Variants in CAPN5 observed in about 807,000 individuals in gnomAD.
CAPN5 encodes the protein calpain 5.
CAPN5 carries 54 observed loss-of-function variants against 73.0 expected under a neutral mutation model. The ratio of observed to expected loss-of-function variants is 0.74; its 90% confidence interval spans 0.59 to 0.93. The LOEUF is 0.93. CAPN5 is among the 40% of genes least tolerant of loss of function. The pLI is 0.00. For missense variants in CAPN5, 785 were observed against 882.9 expected (o/e 0.89, Z 1.41); for synonymous variants, 335 against 356.9 (o/e 0.94, Z 0.69).
At chr11:77,096,840 C>T (rs1402832140) in intron 3 of CAPN5, among the ~76,000 whole-genome samples, 1 of 152,154 alleles carries the variant, frequency 6.6e-6, no homozygotes, top group Non-Finnish European at 1.5e-5. Flanking sequence ...GACCAGAGTC[C>T]CAGTCGAATG....
intron 5 of CAPN5, 110 bp from the exon 6 acceptor site, chr11:77,115,285 C>A: frequency 1.3e-6 from 1 of 799,948 alleles, no homozygotes; most frequent in South Asian, 1.8e-5. Flanking sequence ...GACTGCAATT[C>A]CCATCCCATC....
chr11:77,088,141 T>G (rs1166734555), intron 2 of CAPN5: 9 of 1,387,382 alleles, frequency 6.5e-6, no homozygotes, highest in Admixed American at 2.5e-5. Flanking sequence ...GGTATGAGCC[T>G]GGAGGTCCTT....
At chr11:77,102,982 C>T (rs782016242) in intron 3 of CAPN5, 2 of 1,613,408 alleles carry the variant, frequency 1.2e-6, no homozygotes, top group Middle Eastern at 1.6e-4. Context: ...CTGCTGCAGC[C>T]AGCGGAGTCT....
At chr11:77,109,385 A>G (rs1950387961) in intron 3 of CAPN5, among the ~76,000 whole-genome samples, 1 of 152,208 alleles carries the variant, frequency 6.6e-6, no homozygotes, top group African/African-American at 2.4e-5. Flanking sequence ...TCCAGTTTAA[A>G]AAAAAAATGA....
chr11:77,089,581 A>G (rs563404967), intron 2 of CAPN5, among the ~76,000 whole-genome samples: 61 of 152,198 alleles, frequency 4.0e-4, no homozygotes, highest in Non-Finnish European at 7.9e-4. Flanking sequence ...ATTGCTATCT[A>G]GTGAGACACC....
chr11:77,077,607 G>A (rs191372560), intron 1 of CAPN5, among the ~76,000 whole-genome samples: 378 of 151,204 alleles, frequency 2.5e-3, no homozygotes, highest in African/African-American at 8.6e-3. Context: ...TCGGCTCACT[G>A]CAACCTCCAC....
chr11:77,124,080 C>G lies in CAPN5; in HGVS notation c.*210C>G. On this transcript the variant is annotated 3_prime_UTR_variant, in exon 13 of 13. Coordinates refer to ENST00000648180, the MANE Select transcript of CAPN5 (RefSeq NM_004055.5). ...CCATTCTCGTGGAGGAGTTTCCTTG[C>G]TGAGATTTCAAATAGTCCTCCCCAC... is the stretch of plus-strand genomic sequence containing the variant. The G allele has an allele frequency of 5.1e-6, 3 of 583,390 alleles. No individual in the cohort carries two copies. Among genetic ancestry groups the G allele is most frequent in the Non-Finnish European group, 9.1e-6 (3 of 329,642 alleles). 36.1% of individuals were successfully genotyped at this position (583,390 alleles called of 1,614,324 possible). A position where few individuals can be genotyped will look rare whatever the true frequency, so the allele number is the denominator to read the frequency against.
At chr11:77,067,474 T>C (rs1949855851) in intron 1 of CAPN5, among the ~76,000 whole-genome samples, 1 of 151,818 alleles carries the variant, frequency 6.6e-6, no homozygotes, top group Non-Finnish European at 1.5e-5. Context: ...TTAACCCCCC[T>C]TTCATCCCTG....
chr11:77,092,660 C>T (rs1041061690), intron 2 of CAPN5, among the ~76,000 whole-genome samples: 31 of 152,368 alleles, frequency 2.0e-4, no homozygotes, highest in Admixed American at 1.1e-3. Flanking sequence ...CCTCTTGGGC[C>T]GTGCCCACCA....
chr11:77,080,301 G>C lies in CAPN5; in HGVS notation c.-35-4551G>C, dbSNP rs185152666. Among the ~76,000 whole-genome samples, 370 of 152,254 alleles carry C rather than the reference G, an allele frequency of 2.4e-3. 4 individuals carry two copies. The highest frequency in any genetic ancestry group is 8.4e-3 in the African/African-American group (348 of 41,544). On this transcript the variant is annotated intron_variant, in intron 1 of 12. Coordinates refer to ENST00000648180, the MANE Select transcript of CAPN5 (RefSeq NM_004055.5). ...CTCTTCAAATGGCTCTGCTTATTCT[G>C]GGTCCTTTGTGGCTTTGAGGCCCGT...
In CAPN5 at chr11:77,112,702, T is replaced by C. The variant is rs782071982; in HGVS notation, c.411T>C (p.Asp137=). Residue 137 remains aspartate (D), a synonymous_variant, in exon 4 of 13, where the codon GAT becomes GAC. Coordinates refer to ENST00000648180, the MANE Select transcript of CAPN5 (RefSeq NM_004055.5). ...GGGAATGGGTGGACGTGGTCATCGA[T>C]GACCGGCTGCCCACAGTCAACAACC... is the stretch of plus-strand genomic sequence containing the variant. The part of the protein sequence containing the change: ...RFGEWVDVVI[D]DRLPTVNNQL... 1 of 1,614,252 alleles carries C rather than the reference T, an allele frequency of 6.2e-7. No individual in the cohort carries two copies. Among genetic ancestry groups the C allele is most frequent in the South Asian group, 1.1e-5 (1 of 91,082 alleles).
At chr11:77,085,083 A>G in intron 2 of CAPN5, 32 bp downstream of exon 2, 1 of 1,598,026 alleles carries the variant, frequency 6.3e-7, no homozygotes, top group Non-Finnish European at 8.5e-7. Flanking sequence ...GAGCTGGGTG[A>G]GCGGGCCCAG....
chr11:77,118,377 C>T (rs1161719424), intron 8 of CAPN5, 25 bp downstream of exon 8: 4 of 1,541,378 alleles, frequency 2.6e-6, no homozygotes, highest in African/African-American at 1.4e-5. Flanking sequence ...GAACCCCCAC[C>T]CTGCCCTGTA....
At chr11:77,081,179 G>A (rs1210002481) in intron 1 of CAPN5, among the ~76,000 whole-genome samples, 2 of 152,220 alleles carry the variant, frequency 1.3e-5, no homozygotes, top group Non-Finnish European at 2.9e-5. Context: ...CGTATCCTAG[G>A]CTTCTCAAAG....
intron 11 of CAPN5, among the ~76,000 whole-genome samples, chr11:77,122,315 C>G (rs1358684405): frequency 6.6e-6 from 1 of 152,160 alleles, no homozygotes; most frequent in Non-Finnish European, 1.5e-5. Flanking sequence ...TATTAAGATA[C>G]AAAGCCTGAT....
At position 77,121,957 on chromosome 11, in the gene CAPN5, C is replaced by T. The variant is rs1555042874; in HGVS notation, c.1511C>T (p.Pro504Leu). The change falls in exon 11 of 13, where the codon CCA becomes CTA. Residue 504 changes from proline (P) to leucine (L), a missense_variant. Physicochemically the swap from Pro to Leu is moderately conservative, Grantham distance 98. Coordinates refer to ENST00000648180, the MANE Select transcript of CAPN5 (RefSeq NM_004055.5). The stretch of plus-strand genomic sequence containing the variant: ...AGGGAGCTGCGCCTGGATGAGCCCC[C>T]ACACACCTGCTGGAGCTCCCTCTGT... ...NCRELRLDEPPHTCWSSLCGY... is the reference protein window; with the variant it reads ...NCRELRLDEPLHTCWSSLCGY... 6.4e-7 allele frequency: 1 copy of T among 1,556,274 alleles called. No individual in the cohort carries two copies. The highest frequency in any genetic ancestry group is 8.7e-7 in the Non-Finnish European group (1 of 1,149,588).
intron 3 of CAPN5, among the ~76,000 whole-genome samples, chr11:77,102,553 T>C (rs1950296804): frequency 1.3e-5 from 2 of 152,200 alleles, no homozygotes; most frequent in South Asian, 4.1e-4. Context: ...GCCACAGCAA[T>C]TGACATCAGC....
chr11:77,084,881 G>T lies in CAPN5; in HGVS notation c.-6G>T, dbSNP rs1555035160. On this transcript the variant is annotated 5_prime_UTR_variant, in exon 2 of 13. Transcript: ENST00000648180. ...TCCCCCTCCCCTCCCTGGGGCAGCA[G>T]CCACCATGTTCTCGTGTGTGAAGCC... 6.2e-7 allele frequency: 1 copy of T among 1,614,038 alleles called. No individual in the cohort carries two copies. Among genetic ancestry groups the T allele is most frequent in the Non-Finnish European group, 8.5e-7 (1 of 1,180,024 alleles).
At chr11:77,122,369 T>C (rs576184998) in intron 11 of CAPN5, among the ~76,000 whole-genome samples, 12 of 152,048 alleles carry the variant, frequency 7.9e-5, no homozygotes, top group African/African-American at 2.9e-4. Flanking sequence ...GAGGGAGCAG[T>C]GTGGGTAAAG....
Sources: allele counts gnomAD v4.1 joint callset (sites outside exome capture counted in the v4.1 genomes callset), GRCh38; gene constraint gnomAD v4.1.1; transcripts MANE v1.5; gene names NCBI Gene and HGNC (gene_info 2026-07-23, HGNC 2026-07-21).